The following MAGI3 variants were observed in gnomAD, a reference collection of about 807,000 sequenced individuals.
MAGI3 encodes the protein membrane associated guanylate kinase, WW and PDZ domain containing 3.
MAGI3 carries 43 observed loss-of-function variants against 121.8 expected under a neutral mutation model. The ratio of observed to expected loss-of-function variants is 0.35; its 90% CI spans 0.28 to 0.46. MAGI3 has a LOEUF of 0.46. Ranked by LOEUF, MAGI3 falls within the 20% of genes least tolerant of loss-of-function variation. The probability of loss-of-function intolerance (pLI) is 1.00; values close to 1 mark genes in which losing one functional copy is unlikely to be tolerated. For synonymous variants in MAGI3, 553 were observed against 639.3 expected (o/e 0.86, Z 2.04); for missense variants, 1,547 against 1,797.3 (o/e 0.86, Z 2.52).
At chr1:113,520,453 A>T (rs906977007) in intron 1 of MAGI3, among the ~76,000 whole-genome samples, 2 of 152,172 alleles carry the variant, frequency 1.3e-5, no homozygotes, top group Admixed American at 6.5e-5. Context: ...TATAAGGAAC[A>T]TTATTTTGTC....
At chr1:113,620,477 T>G (rs904352698) in intron 8 of MAGI3, among the ~76,000 whole-genome samples, 2 of 152,240 alleles carry the variant, frequency 1.3e-5, no homozygotes, top group African/African-American at 4.8e-5. Context: ...CATATTGTAG[T>G]AATCCAGTAG....
intron 9 of MAGI3, among the ~76,000 whole-genome samples, chr1:113,625,830 G>A (rs1194854122): frequency 6.6e-6 from 1 of 152,026 alleles, no homozygotes; most frequent in Non-Finnish European, 1.5e-5. Flanking sequence ...CTGTGGCTCT[G>A]TTGTATATAT....
At chr1:113,471,742 A>C (rs867030847) in intron 1 of MAGI3, among the ~76,000 whole-genome samples, 3 of 152,182 alleles carry the variant, frequency 2.0e-5, no homozygotes, top group Admixed American at 6.5e-5. Context: ...CATCACCACA[A>C]ACACCTTAGT....
intron 1 of MAGI3, among the ~76,000 whole-genome samples, chr1:113,482,840 C>T (rs1656178396): frequency 6.6e-6 from 1 of 151,366 alleles, no homozygotes; most frequent in South Asian, 2.1e-4. Flanking sequence ...GGATCTCTCT[C>T]TGTTGCCCAG....
intron 8 of MAGI3, among the ~76,000 whole-genome samples, chr1:113,622,343 A>G (rs528871271): frequency 1.7e-4 from 1 of 5,826 alleles, no homozygotes; most frequent in Non-Finnish European, 3.0e-4. Context: ...CAAAAGAACT[A>G]TGTATTTTTT....
At chr1:113,567,987 A>T (rs571040878) in intron 2 of MAGI3, among the ~76,000 whole-genome samples, 39 of 152,248 alleles carry the variant, frequency 2.6e-4, no homozygotes, top group Non-Finnish European at 3.2e-4. Context: ...CAAAAGCATT[A>T]TGCTAAGTAA....
At chr1:113,530,393 C>A (rs1444228266) in intron 1 of MAGI3, among the ~76,000 whole-genome samples, 2 of 150,852 alleles carry the variant, frequency 1.3e-5, no homozygotes, top group South Asian at 2.1e-4. Flanking sequence ...TAAGTGGGAG[C>A]TAAACAAGAA....
chr1:113,607,266 T>C (rs530663685), intron 6 of MAGI3, among the ~76,000 whole-genome samples: 1 of 152,316 alleles, frequency 6.6e-6, no homozygotes, highest in South Asian at 2.1e-4. Context: ...AATGGCATTC[T>C]TACTGATTCC....
intron 1 of MAGI3, among the ~76,000 whole-genome samples, chr1:113,457,665 A>G (rs1192328246): frequency 6.6e-6 from 1 of 151,950 alleles, no homozygotes; most frequent in Non-Finnish European, 1.5e-5. Flanking sequence ...TAAGAGGATT[A>G]CATTGCAGAG....
chr1:113,645,883 T>C (rs1297242285), intron 11 of MAGI3, among the ~76,000 whole-genome samples: 2 of 152,220 alleles, frequency 1.3e-5, no homozygotes, highest in Non-Finnish European at 2.9e-5. Flanking sequence ...TCTAGCTGAA[T>C]AGGAAAAATA....
intron 7 of MAGI3, among the ~76,000 whole-genome samples, chr1:113,617,081 G>T (rs1650520836): frequency 6.6e-6 from 1 of 152,024 alleles, no homozygotes; most frequent in African/African-American, 2.4e-5. Context: ...TAGAGATGGG[G>T]TTTCACCATG....
intron 2 of MAGI3, among the ~76,000 whole-genome samples, chr1:113,572,610 G>C (rs554712313): frequency 6.6e-6 from 1 of 152,170 alleles, no homozygotes; most frequent in South Asian, 2.1e-4. Flanking sequence ...CTTCTTCCTG[G>C]TTTAGTCTTG....
chr1:113,408,850 T>C (rs970172725), intron 1 of MAGI3, among the ~76,000 whole-genome samples: 1 of 152,104 alleles, frequency 6.6e-6, no homozygotes, highest in African/African-American at 2.4e-5. Context: ...TTATTTCCTT[T>C]AGAGATTTTT....
intron 1 of MAGI3, among the ~76,000 whole-genome samples, chr1:113,441,735 T>G (rs1570681084): frequency 6.6e-6 from 1 of 152,318 alleles, no homozygotes; most frequent in East Asian, 1.9e-4. Context: ...GCTAAGGACA[T>G]GGATAATTAG....
At chr1:113,515,937 A>G (rs1439719804) in intron 1 of MAGI3, among the ~76,000 whole-genome samples, 2 of 152,056 alleles carry the variant, frequency 1.3e-5, no homozygotes, top group Admixed American at 6.6e-5. Flanking sequence ...AACATTTTGA[A>G]CTGGGTAATT....
chr1:113,559,646 C>G (rs1660142742), intron 2 of MAGI3, among the ~76,000 whole-genome samples: 1 of 151,830 alleles, frequency 6.6e-6, no homozygotes, highest in South Asian at 2.1e-4. Flanking sequence ...TGGCTCACTG[C>G]AGCCTCCGCC....
chr1:113,534,802 A>AT (rs781709858), intron 1 of MAGI3, among the ~76,000 whole-genome samples: 189 of 150,962 alleles, frequency 1.3e-3, no homozygotes, highest in African/African-American at 3.5e-3. Flanking sequence ...CTATCATGTG[A>AT]TTTTTTTTTC....
intron 1 of MAGI3, among the ~76,000 whole-genome samples, chr1:113,530,407 A>C (rs1161398428): frequency 6.6e-6 from 1 of 152,002 alleles, no homozygotes; most frequent in Non-Finnish European, 1.5e-5. Context: ...ACAAGAATAC[A>C]TGGACACAAA....
chr1:113,415,753 A>G (rs977167182), intron 1 of MAGI3, among the ~76,000 whole-genome samples: 2 of 152,150 alleles, frequency 1.3e-5, no homozygotes, highest in South Asian at 4.1e-4. Context: ...TCACCAGAAT[A>G]TGCTTTGTAC....
Sources: gnomAD v4.1 joint callset for allele counts (sites outside exome capture counted in the v4.1 genomes callset) on GRCh38, gnomAD v4.1.1 for gene constraint, MANE v1.5 for transcripts, NCBI Gene and HGNC (gene_info 2026-07-23, HGNC 2026-07-21) for gene names.